PIWIL2: variants seen among roughly 807,000 people sequenced by gnomAD.
PIWIL2 encodes the protein piwi-like protein 2.
In PIWIL2, 81 loss-of-function variants were observed where a neutral mutation model predicts 116.5. The ratio of observed to expected loss-of-function variants is 0.70; its 90% CI spans 0.58 to 0.84. PIWIL2 has a LOEUF of 0.84. PIWIL2 is among the 40% of genes least tolerant of loss of function. PIWIL2 has a pLI of 0.00. For synonymous variants in PIWIL2, 489 were observed against 429.5 expected (o/e 1.14, Z -1.71); for missense variants, 1,272 against 1,212.3 (o/e 1.05, Z -0.73).
intron 22 of PIWIL2, among the ~76,000 whole-genome samples, chr8:22,354,759 C>G (rs1217339070): frequency 6.6e-6 from 1 of 152,166 alleles, no homozygotes; most frequent in Non-Finnish European, 1.5e-5. Flanking sequence ...AATATTTTCT[C>G]TTTGTGTTGT....
At chr8:22,325,481 CTT>C (rs749493740) in intron 20 of PIWIL2, among the ~76,000 whole-genome samples, 73 of 95,008 alleles carry the variant, frequency 7.7e-4, no homozygotes, top group Middle Eastern at 9.1e-3. Context: ...TTGATTTAGT[CTT>C]TTTTTTTTTT....
At chr8:22,305,414 G>A (rs1422636923) in intron 12 of PIWIL2, among the ~76,000 whole-genome samples, 1 of 151,918 alleles carries the variant, frequency 6.6e-6, no homozygotes, top group Admixed American at 6.6e-5. Flanking sequence ...GGATAGTCTC[G>A]ATCTCCTGAC....
At chr8:22,305,471 C>T (rs959264054) in intron 12 of PIWIL2, among the ~76,000 whole-genome samples, 16 of 152,090 alleles carry the variant, frequency 1.1e-4, no homozygotes, top group African/African-American at 3.4e-4. Context: ...GGATTACAGG[C>T]GTGAGCCACT....
chr8:22,287,538 G>A lies in PIWIL2; in HGVS notation c.754G>A (p.Glu252Lys). The change falls in exon 7 of 23, where the codon GAG (glutamate) becomes AAG (lysine). Residue 252 changes from glutamate to lysine, a missense_variant. Glu to Lys is a moderately conservative substitution (Grantham distance 56). Transcript: ENST00000356766. ...QYHVTFSPNV[E>K]CKSMRFGMLK... ...TTCATTATTTTCCAGCCCCAATGTG[G>A]AGTGCAAAAGCATGAGGTTCGGCAT... The A allele has an allele frequency of 6.2e-7, 1 of 1,609,494 alleles. No individual in the cohort carries two copies. Among genetic ancestry groups the A allele is most frequent in the Non-Finnish European group, 8.5e-7 (1 of 1,175,710 alleles).
chr8:22,304,006 T>A lies in PIWIL2; in HGVS notation c.1182-15T>A, dbSNP rs1831114611. 1.9e-6 allele frequency: 3 copies of A among 1,589,358 alleles called. No individual in the cohort carries two copies. The highest frequency in any genetic ancestry group is 2.6e-6 in the Non-Finnish European group (3 of 1,162,390). On this transcript the variant is annotated splice_polypyrimidine_tract_variant and intron_variant, in intron 10 of 22. Transcript: ENST00000356766. Reference sequence around the variant, plus strand: ...TATATACTGTGATCCAAAAGTCTTTTATCTCTTTCCAAAGGCATGCCATTT... The same window carrying A: ...TATATACTGTGATCCAAAAGTCTTTAATCTCTTTCCAAAGGCATGCCATTT...
At chr8:22,283,735 T>G (rs1563347675) in intron 5 of PIWIL2, among the ~76,000 whole-genome samples, 5 of 152,212 alleles carry the variant, frequency 3.3e-5, no homozygotes, top group Admixed American at 1.3e-4. Flanking sequence ...TGAAGTTAGA[T>G]GTGTTTGACA....
intron 20 of PIWIL2, among the ~76,000 whole-genome samples, chr8:22,330,658 C>G (rs1831836493): frequency 6.6e-6 from 1 of 150,696 alleles, no homozygotes; most frequent in Non-Finnish European, 1.5e-5. Flanking sequence ...GATCATGCCA[C>G]TGCACTCCAG....
intron 10 of PIWIL2, among the ~76,000 whole-genome samples, chr8:22,298,427 A>G (rs1586552929): frequency 6.6e-6 from 1 of 152,228 alleles, no homozygotes; most frequent in South Asian, 2.1e-4. Context: ...TGGCTTACAT[A>G]AAGACCTAAG....
At chr8:22,305,172 CATTTATTTATTTATTTATTT>C (rs10669583) in intron 12 of PIWIL2, among the ~76,000 whole-genome samples, 5 of 143,940 alleles carry the variant, frequency 3.5e-5, no homozygotes, top group Admixed American at 2.1e-4. Flanking sequence ...TATAGATATT[CATTTATTTATTTATTTATTT>C]ATTTATTTAT....
chr8:22,279,814 A>G (rs1329881244), intron 2 of PIWIL2, among the ~76,000 whole-genome samples: 3 of 152,134 alleles, frequency 2.0e-5, no homozygotes, highest in African/African-American at 4.8e-5. Context: ...AAAATTAGCC[A>G]GGTGTGGTGG....
At chr8:22,332,582 A>T (rs1831886804) in intron 20 of PIWIL2, among the ~76,000 whole-genome samples, 1 of 152,106 alleles carries the variant, frequency 6.6e-6, no homozygotes, top group African/African-American at 2.4e-5. Context: ...ATATAGTAAG[A>T]ACAGTCAAGG....
At chr8:22,330,741 T>TAAATAAATA in intron 20 of PIWIL2, among the ~76,000 whole-genome samples, 1 of 140,614 alleles carries the variant, frequency 7.1e-6, no homozygotes, top group South Asian at 2.2e-4. Context: ...AATAAATAAA[T>TAAATAAATA]AAAAATAGTT....
At chr8:22,313,491 C>T (rs1831381581) in intron 16 of PIWIL2, among the ~76,000 whole-genome samples, 1 of 152,170 alleles carries the variant, frequency 6.6e-6, no homozygotes, top group African/African-American at 2.4e-5. Context: ...TGAAAAAACG[C>T]ACCTGTTTGC....
At position 22,315,257 on chromosome 8, in the gene PIWIL2, A is replaced by G. The variant is rs7013710; in HGVS notation, c.2208+112A>G. ...CTTCTCAACACTTACTCAGTAGTCTAAATGGCTCCCTGCCTCTTCAGCCCA... is the reference window on the plus strand; with the variant it reads ...CTTCTCAACACTTACTCAGTAGTCTGAATGGCTCCCTGCCTCTTCAGCCCA... On this transcript the variant is annotated intron_variant, in intron 18 of 22. Transcript: ENST00000356766. The G allele has an allele frequency of 3.6e-3, 2,396 of 669,610 alleles. 41 individuals carry two copies. In the African/African-American group the frequency reaches 0.039, roughly 11 times the overall value. 41.5% of individuals were successfully genotyped at this position (669,610 alleles called of 1,614,324 possible).
chr8:22,311,698 A>G (rs1384809375), intron 16 of PIWIL2, among the ~76,000 whole-genome samples: 1 of 152,222 alleles, frequency 6.6e-6, no homozygotes, highest in Non-Finnish European at 1.5e-5. Context: ...AACTTGGCAG[A>G]TGGCCCATTG....
chr8:22,280,886 T>C (rs952114652), intron 2 of PIWIL2, among the ~76,000 whole-genome samples: 1 of 152,220 alleles, frequency 6.6e-6, no homozygotes, highest in East Asian at 1.9e-4. Context: ...AATTCTGTTC[T>C]GTTGCATTTT....
At chr8:22,294,644 C>CAAAAAAAAAAA (rs897494985) in intron 10 of PIWIL2, among the ~76,000 whole-genome samples, 10 of 29,884 alleles carry the variant, frequency 3.3e-4, no homozygotes, top group Admixed American at 8.2e-4. Flanking sequence ...GACTCTGTCT[C>CAAAAAAAAAAA]AAAAAAAAAA....
intron 1 of PIWIL2, 137 bp downstream of exon 1, chr8:22,275,535 G>C (rs1830342080): frequency 6.6e-6 from 1 of 152,374 alleles, no homozygotes; most frequent in Admixed American, 6.5e-5. Context: ...AGCTGCTGAG[G>C]GTTGCGGGTC....
At chr8:22,340,997 A>G (rs151291012) in intron 20 of PIWIL2, among the ~76,000 whole-genome samples, 5 of 152,182 alleles carry the variant, frequency 3.3e-5, no homozygotes, top group Admixed American at 3.3e-4. Context: ...ATAGGCATGA[A>G]CCACTGCACC....
Sources: gnomAD v4.1 joint callset for allele counts (sites outside exome capture counted in the v4.1 genomes callset) on GRCh38, gnomAD v4.1.1 for gene constraint, MANE v1.5 for transcripts, NCBI Gene and HGNC (gene_info 2026-07-23, HGNC 2026-07-21) for gene names.